Variants in FABP12 observed in about 807,000 individuals in gnomAD.
FABP12 encodes fatty acid-binding protein 12.
Under a neutral mutation model 13.7 loss-of-function variants are expected in FABP12, and 19 were observed. The observed-to-expected ratio is 1.39, with a 90% CI of 0.97 to 2.04. FABP12 has a LOEUF of 2.04. Ranked by LOEUF, FABP12 falls within the 30% of genes most tolerant of loss-of-function variation. The probability of loss-of-function intolerance (pLI) is 0.00; values close to 1 mark genes in which losing one functional copy is unlikely to be tolerated. For missense variants in FABP12, 182 were observed against 164.2 expected, an observed-to-expected ratio of 1.11 and a Z score of -0.59; for synonymous variants, 61 against 57.0, an observed-to-expected ratio of 1.07 and a Z score of -0.32.
At chr8:81,557,182 C>T (rs1402022601) in intron 1 of FABP12, among the ~76,000 whole-genome samples, 8 of 151,966 alleles carry the variant, frequency 5.3e-5, no homozygotes, top group Admixed American at 3.3e-4. Flanking sequence ...GCCAAGCTCA[C>T]ACCTTTCTTA....
At chr8:81,562,936 G>A (rs28874012) in intron 1 of FABP12, among the ~76,000 whole-genome samples, 7,249 of 152,306 alleles carry the variant, frequency 0.048, 221 homozygotes, top group East Asian at 0.16. Flanking sequence ...GCAAATGTAA[G>A]TGGTAGTCAG....
At chr8:81,580,440 C>T (rs914820732) in intron 1 of FABP12, among the ~76,000 whole-genome samples, 2 of 152,118 alleles carry the variant, frequency 1.3e-5, no homozygotes, top group African/African-American at 4.8e-5. Flanking sequence ...AAAATGAGCT[C>T]ATTAAATAAA....
chr8:81,557,199 A>G (rs993789027), intron 1 of FABP12, among the ~76,000 whole-genome samples: 5 of 152,052 alleles, frequency 3.3e-5, no homozygotes, highest in African/African-American at 1.2e-4. Flanking sequence ...CTTAAGTACC[A>G]TATTTCATTT....
intron 3 of FABP12, among the ~76,000 whole-genome samples, chr8:81,528,588 A>G (rs966687433): frequency 6.6e-6 from 1 of 152,178 alleles, no homozygotes; most frequent in Non-Finnish European, 1.5e-5. Flanking sequence ...ATTCATTCAA[A>G]TAATAAATAT....
At chr8:81,578,980 C>A (rs908665387) in intron 1 of FABP12, among the ~76,000 whole-genome samples, 1 of 151,696 alleles carries the variant, frequency 6.6e-6, no homozygotes, top group African/African-American at 2.4e-5. Context: ...AGGCGCCCGC[C>A]ACCACACCCA....
rs1336515513 is a variant in FABP12 at position 81,529,588 on chromosome 8, TTTCCTGCTGGCTC to T, written c.83_95del (p.Arg28AsnfsTer10). 6.2e-7 allele frequency: 1 copy of T among 1,613,780 alleles called. No individual in the cohort carries two copies. Among genetic ancestry groups the T allele is most frequent in the Non-Finnish European group, 8.5e-7 (1 of 1,179,810 alleles). On this transcript the variant is annotated frameshift_variant, in exon 3 of 5. Coordinates refer to ENST00000360464, the Ensembl canonical transcript of FABP12. LOFTEE classifies it high-confidence loss of function. ...CAGTGGGTTTTGCCAAACGGCCCAGTTTCCTGCTGGCTCTTCCTATACCTGGAAACCAGATAAA... is the reference window on the plus strand; with the variant it reads ...CAGTGGGTTTTGCCAAACGGCCCAGTTTCCTATACCTGGAAACCAGATAAA...
At chr8:81,587,832 G>A (rs892015509) in intron 1 of FABP12, among the ~76,000 whole-genome samples, 2 of 152,146 alleles carry the variant, frequency 1.3e-5, no homozygotes, top group African/African-American at 2.4e-5. Context: ...CAATCACAAG[G>A]TGAAGTCCCA....
At chr8:81,547,744 GC>G (rs1455361974) in intron 1 of FABP12, among the ~76,000 whole-genome samples, 1 of 152,128 alleles carries the variant, frequency 6.6e-6, no homozygotes, top group Non-Finnish European at 1.5e-5. Context: ...CAGAATTCCT[GC>G]CAGTGTCAGA....
At chr8:81,582,516 A>T (rs1443101331) in intron 1 of FABP12, among the ~76,000 whole-genome samples, 2 of 152,042 alleles carry the variant, frequency 1.3e-5, no homozygotes, top group African/African-American at 4.8e-5. Context: ...ATTGAAAAAG[A>T]TATTCCATTG....
intron 2 of FABP12, 105 bp downstream of exon 2, chr8:81,531,138 A>T: frequency 1.3e-6 from 1 of 756,896 alleles, no homozygotes; most frequent in Non-Finnish European, 2.2e-6. Context: ...TTCCTATGTG[A>T]AAAATTAGGG....
chr8:81,540,593 A>T (rs1249798619), intron 1 of FABP12, among the ~76,000 whole-genome samples: 1 of 152,214 alleles, frequency 6.6e-6, no homozygotes, highest in Admixed American at 6.5e-5. Context: ...AAAACCTGGG[A>T]AATTGTCACA....
chr8:81,562,659 G>C (rs1337857789), intron 1 of FABP12, among the ~76,000 whole-genome samples: 1 of 152,150 alleles, frequency 6.6e-6, no homozygotes, highest in African/African-American at 2.4e-5. Context: ...CTGGGGCAGT[G>C]GTGGCCACAG....
chr8:81,575,230 A>G (rs1289247475), intron 1 of FABP12, among the ~76,000 whole-genome samples: 1 of 152,210 alleles, frequency 6.6e-6, no homozygotes, highest in Non-Finnish European at 1.5e-5. Flanking sequence ...ATTCAAGAGC[A>G]GGTAATTGAA....
At position 81,580,367 on chromosome 8, in the gene FABP12, CTATTT is replaced by C. The variant is rs545430861; in HGVS notation, c.-185+9681_-185+9685del. Among the ~76,000 whole-genome samples, 10 of 152,230 alleles carry C rather than the reference CTATTT, an allele frequency of 6.6e-5. No individual in the cohort carries two copies. The South Asian group carries it at 2.1e-3, about 32-fold the overall frequency. ...ACACTTACATGCCTTTAGATGAACT[CTATTT>C]TACTTTTATAAGTTTTAATCTGAGC... is the stretch of plus-strand genomic sequence containing the variant. On this transcript the variant is annotated intron_variant, in intron 1 of 5. Transcript: ENST00000692030.
chr8:81,529,690 C>T, intron 2 of FABP12, 80 bp from the exon 3 acceptor site: 1 of 1,253,146 alleles, frequency 8.0e-7, no homozygotes, highest in Non-Finnish European at 1.1e-6. Context: ...ATACTTAAAT[C>T]TGTTGTTGAC....
chr8:81,589,762 C>A (rs1810292978), intron 1 of FABP12, among the ~76,000 whole-genome samples: 1 of 152,184 alleles, frequency 6.6e-6, no homozygotes, highest in Admixed American at 6.5e-5. Context: ...CTGCCTTTTC[C>A]CCTCTGTGCA....
chr8:81,588,538 A>C (rs1810276412), intron 1 of FABP12, among the ~76,000 whole-genome samples: 1 of 152,190 alleles, frequency 6.6e-6, no homozygotes, highest in Non-Finnish European at 1.5e-5. Context: ...TAGTTACAAC[A>C]GTTTTTTTGT....
intron 1 of FABP12, among the ~76,000 whole-genome samples, chr8:81,544,947 C>T (rs79287897): frequency 0.035 from 5,326 of 152,130 alleles, 220 homozygotes; most frequent in African/African-American, 0.095. Context: ...TGTGTAATTC[C>T]AGGAAGAGAT....
intron 1 of FABP12, among the ~76,000 whole-genome samples, chr8:81,570,850 G>T (rs1192970396): frequency 1.3e-5 from 2 of 152,130 alleles, no homozygotes; most frequent in Admixed American, 1.3e-4. Flanking sequence ...CCTAGAAAAG[G>T]TACCACAGGT....
Sources: allele counts gnomAD v4.1 joint callset (sites outside exome capture counted in the v4.1 genomes callset), GRCh38; gene constraint gnomAD v4.1.1; transcripts MANE v1.5; gene names NCBI Gene and HGNC (gene_info 2026-07-23, HGNC 2026-07-21).